MSRA: variants seen among roughly 807,000 people sequenced by gnomAD.
MSRA encodes mitochondrial peptide methionine sulfoxide reductase.
MSRA carries 54 observed loss-of-function variants against 31.3 expected under a neutral mutation model. That is an observed-to-expected ratio of 1.73 (90% CI 1.39 to 2.17). The LOEUF (loss-of-function observed/expected upper bound fraction) is 2.17, where lower values mean the gene tolerates loss of function less well. MSRA is among the 30% of genes most tolerant of loss of function. MSRA has a pLI of 0.00. For missense variants in MSRA, 507 were observed against 300.9 expected (o/e 1.69, Z -5.07); for synonymous variants, 169 against 116.5 (o/e 1.45, Z -2.90).
At chr8:10,064,646 T>A (rs1038823668) in intron 1 of MSRA, among the ~76,000 whole-genome samples, 1 of 152,220 alleles carries the variant, frequency 6.6e-6, no homozygotes, top group Non-Finnish European at 1.5e-5. Context: ...TTCAAAGATG[T>A]TACCATAGGA....
At chr8:10,393,756 A>G (rs572091744) in intron 5 of MSRA, among the ~76,000 whole-genome samples, 4 of 152,362 alleles carry the variant, frequency 2.6e-5, no homozygotes, top group Admixed American at 2.0e-4. Flanking sequence ...TGGTTGTTAT[A>G]CAGGTACAGT....
chr8:10,249,304 A>G (rs555129480), intron 3 of MSRA, among the ~76,000 whole-genome samples: 2 of 152,264 alleles, frequency 1.3e-5, no homozygotes, highest in African/African-American at 4.8e-5. Flanking sequence ...ATCTCAGTCT[A>G]TTGTGAGTTT....
chr8:10,328,894 A>G (rs761723530), intron 5 of MSRA, among the ~76,000 whole-genome samples: 10 of 152,172 alleles, frequency 6.6e-5, no homozygotes, highest in Non-Finnish European at 1.3e-4. Flanking sequence ...TGATCCCTTC[A>G]TGGACTCACT....
chr8:10,333,817 C>A (rs115884990), intron 5 of MSRA, among the ~76,000 whole-genome samples: 9 of 152,084 alleles, frequency 5.9e-5, no homozygotes, highest in African/African-American at 1.5e-4. Context: ...CCACCCCCCC[C>A]ACGCTGAGTG....
At chr8:10,365,501 G>A (rs554759890) in intron 5 of MSRA, among the ~76,000 whole-genome samples, 1 of 152,272 alleles carries the variant, frequency 6.6e-6, no homozygotes, top group South Asian at 2.1e-4. Context: ...TACCAAATGG[G>A]TATAAAAAAA....
intron 1 of MSRA, among the ~76,000 whole-genome samples, chr8:10,100,929 C>G (rs1799491483): frequency 6.6e-6 from 1 of 152,062 alleles, no homozygotes; most frequent in Non-Finnish European, 1.5e-5. Context: ...TGGAGTGATG[C>G]CATTCTTTTA....
At chr8:10,377,704 C>T (rs1307118821) in intron 5 of MSRA, among the ~76,000 whole-genome samples, 1 of 152,166 alleles carries the variant, frequency 6.6e-6, no homozygotes, top group Non-Finnish European at 1.5e-5. Flanking sequence ...TGCAGCTGCC[C>T]GATTTCAGGC....
At chr8:10,359,623 G>C (rs1345267824) in intron 5 of MSRA, among the ~76,000 whole-genome samples, 1 of 152,008 alleles carries the variant, frequency 6.6e-6, no homozygotes, top group African/African-American at 2.4e-5. Context: ...AATTTGACCA[G>C]AGTATTTACT....
intron 3 of MSRA, among the ~76,000 whole-genome samples, chr8:10,283,836 T>TATATATACACACACACACACACAC (rs1261287031): frequency 1.7e-4 from 9 of 53,162 alleles, no homozygotes; most frequent in African/African-American, 3.5e-4. Flanking sequence ...TATATATATA[T>TATATATACACACACACACACACAC]ACACACACAC....
At chr8:10,343,681 G>A (rs1044327518) in intron 5 of MSRA, among the ~76,000 whole-genome samples, 2 of 152,020 alleles carry the variant, frequency 1.3e-5, no homozygotes, top group Non-Finnish European at 2.9e-5. Flanking sequence ...GGGGGTCCCT[G>A]GTGACCTGCA....
chr8:10,210,284 C>A (rs985750932), intron 2 of MSRA, among the ~76,000 whole-genome samples: 4 of 152,282 alleles, frequency 2.6e-5, no homozygotes, highest in Non-Finnish European at 1.5e-5. Flanking sequence ...GTTGGTGGAG[C>A]TACAGTTTGA....
intron 1 of MSRA, among the ~76,000 whole-genome samples, chr8:10,125,359 C>A (rs1249333450): frequency 6.6e-6 from 1 of 152,102 alleles, no homozygotes; most frequent in Non-Finnish European, 1.5e-5. Flanking sequence ...AAAGTGAGCC[C>A]AGGTAGTCAC....
chr8:10,332,284 C>T (rs1802746426), intron 5 of MSRA, among the ~76,000 whole-genome samples: 1 of 152,184 alleles, frequency 6.6e-6, no homozygotes, highest in African/African-American at 2.4e-5. Context: ...CCTAAATAGA[C>T]ATGGGTAAAT....
chr8:10,405,323 C>T (rs930781532), intron 5 of MSRA, among the ~76,000 whole-genome samples: 1 of 152,142 alleles, frequency 6.6e-6, no homozygotes, highest in Admixed American at 6.5e-5. Flanking sequence ...AGCACCTGCC[C>T]CTCCCTCCAT....
At chr8:10,330,879 T>A (rs1232502873) in intron 5 of MSRA, among the ~76,000 whole-genome samples, 2 of 152,140 alleles carry the variant, frequency 1.3e-5, no homozygotes, top group African/African-American at 4.8e-5. Context: ...TCCCCCCAAA[T>A]TCATATGTTG....
intron 5 of MSRA, among the ~76,000 whole-genome samples, chr8:10,419,821 C>G (rs1808703856): frequency 6.6e-6 from 1 of 152,158 alleles, no homozygotes; most frequent in Admixed American, 6.5e-5. Flanking sequence ...AGCTTTCTGT[C>G]TTTATAATGG....
intron 4 of MSRA, among the ~76,000 whole-genome samples, chr8:10,319,432 A>G (rs1042497323): frequency 6.6e-6 from 1 of 152,176 alleles, no homozygotes; most frequent in South Asian, 2.1e-4. Context: ...CTATGTGCCA[A>G]GCACCGTGCC....
At chr8:10,421,682 C>T (rs1206962962) in intron 5 of MSRA, among the ~76,000 whole-genome samples, 7 of 152,128 alleles carry the variant, frequency 4.6e-5, no homozygotes, top group Non-Finnish European at 1.0e-4. Context: ...CTGCTGTGCC[C>T]GGCTGGCACG....
chr8:10,417,611 A>C (rs1006739683), intron 5 of MSRA, among the ~76,000 whole-genome samples: 5 of 152,058 alleles, frequency 3.3e-5, no homozygotes, highest in Non-Finnish European at 5.9e-5. Flanking sequence ...ATGTTTTCTT[A>C]CTAGTGGCTT....
Sources: gnomAD v4.1 joint callset for allele counts (sites outside exome capture counted in the v4.1 genomes callset) on GRCh38, gnomAD v4.1.1 for gene constraint, MANE v1.5 for transcripts, NCBI Gene and HGNC (gene_info 2026-07-23, HGNC 2026-07-21) for gene names.